The following ZBTB7C variants were observed in gnomAD, a reference collection of about 807,000 sequenced individuals.
ZBTB7C encodes the protein zinc finger and BTB domain containing 7C.
Under a neutral mutation model 25.7 loss-of-function variants are expected in ZBTB7C, and 8 were observed. That is an observed-to-expected ratio of 0.31 (90% confidence interval 0.18 to 0.56). The LOEUF is 0.56. ZBTB7C is among the 20% of genes least tolerant of loss of function. The pLI is 0.91. For missense variants in ZBTB7C, 824 were observed against 855.2 expected, an observed-to-expected ratio of 0.96 and a Z score of 0.46; for synonymous variants, 394 against 369.0, an observed-to-expected ratio of 1.07 and a Z score of -0.78.
Position 48,198,269 on chromosome 18 carries a change from C to T in ZBTB7C, c.-78-12274G>A, listed in dbSNP as rs550808156. ...ATCTAGAGTTCCCCATCTTCCAACT[C>T]CAGTCCTAGACCAAGTGCTCCGAAG... On this transcript the variant is annotated intron_variant, in intron 2 of 4. Coordinates refer to ENST00000590800, the MANE Select transcript of ZBTB7C (RefSeq NM_001318841.2). Among the ~76,000 whole-genome samples the T allele has an allele frequency of 4.3e-4, 65 of 152,288 alleles. 2 individuals are homozygous for T. In the South Asian group the frequency reaches 0.012, roughly 29 times the overall value.
intron 3 of ZBTB7C, among the ~76,000 whole-genome samples, chr18:48,134,890 T>G (rs2040098207): frequency 6.6e-6 from 1 of 152,252 alleles, no homozygotes; most frequent in African/African-American, 2.4e-5. Flanking sequence ...CCTGGGCACT[T>G]GGGGCAGAGG....
chr18:48,139,170 G>C (rs943419257), intron 3 of ZBTB7C, among the ~76,000 whole-genome samples: 3 of 152,168 alleles, frequency 2.0e-5, no homozygotes, highest in African/African-American at 7.2e-5. Context: ...GGGCATGTCA[G>C]GTGCGGGAGT....
intron 3 of ZBTB7C, among the ~76,000 whole-genome samples, chr18:48,159,570 C>T (rs2040938863): frequency 6.6e-6 from 1 of 152,216 alleles, no homozygotes; most frequent in South Asian, 2.1e-4. Flanking sequence ...ACAGATGGTG[C>T]AAAGATCAAC....
intron 1 of ZBTB7C, among the ~76,000 whole-genome samples, chr18:48,389,714 GATAAA>G (rs970643073): frequency 1.1e-4 from 16 of 152,070 alleles, no homozygotes; most frequent in Non-Finnish European, 2.2e-4. Context: ...GGCTCTCCCT[GATAAA>G]AACAAAGAAC....
At chr18:48,216,999 G>A (rs371543189) in intron 2 of ZBTB7C, among the ~76,000 whole-genome samples, 10 of 152,162 alleles carry the variant, frequency 6.6e-5, no homozygotes, top group Admixed American at 5.9e-4. Context: ...CAGGAAGGCC[G>A]TGTGATGGGA....
chr18:48,262,670 C>G (rs1190280636), intron 2 of ZBTB7C, among the ~76,000 whole-genome samples: 1 of 152,068 alleles, frequency 6.6e-6, no homozygotes, highest in South Asian at 2.1e-4. Context: ...TGTGACATAC[C>G]CAACAGACAG....
intron 2 of ZBTB7C, among the ~76,000 whole-genome samples, chr18:48,191,921 G>A (rs1421089042): frequency 6.6e-6 from 1 of 152,198 alleles, no homozygotes; most frequent in East Asian, 1.9e-4. Flanking sequence ...GCTTACCATA[G>A]ACTCCAGCAA....
At chr18:48,084,266 A>C (rs1200670868) in intron 3 of ZBTB7C, among the ~76,000 whole-genome samples, 2 of 152,210 alleles carry the variant, frequency 1.3e-5, no homozygotes, top group African/African-American at 2.4e-5. Flanking sequence ...ATCAGGGGCC[A>C]GAGGTCGGGG....
chr18:48,087,939 C>T (rs1399552595), intron 3 of ZBTB7C: 3 of 149,852 alleles, frequency 2.0e-5, no homozygotes, highest in African/African-American at 7.4e-5. Flanking sequence ...TCCTTTCACT[C>T]TTTAAAGCTA....
chr18:48,077,168 A>C (rs1391736080), intron 3 of ZBTB7C, among the ~76,000 whole-genome samples: 1 of 150,942 alleles, frequency 6.6e-6, no homozygotes, highest in Non-Finnish European at 1.5e-5. Flanking sequence ...GGTGGGGTGG[A>C]GGAAATGAGG....
chr18:48,395,091 C>CTGCT (rs2047990858), intron 1 of ZBTB7C, among the ~76,000 whole-genome samples: 2 of 151,898 alleles, frequency 1.3e-5, no homozygotes, highest in South Asian at 4.2e-4. Context: ...GGAAGAGTGC[C>CTGCT]TGCTGATTCT....
chr18:48,377,132 C>T (rs1191371666), intron 1 of ZBTB7C, among the ~76,000 whole-genome samples: 1 of 152,098 alleles, frequency 6.6e-6, no homozygotes, highest in Non-Finnish European at 1.5e-5. Context: ...ATGGGGGAGG[C>T]GATGCTCTGG....
intron 2 of ZBTB7C, among the ~76,000 whole-genome samples, chr18:48,315,805 G>C (rs2045934273): frequency 6.6e-6 from 1 of 152,112 alleles, no homozygotes; most frequent in Non-Finnish European, 1.5e-5. Context: ...CTGATACTTA[G>C]GGGTCTCAAT....
chr18:48,029,979 C>T (rs893979566), intron 4 of ZBTB7C, 68 bp from the exon 5 acceptor site: 3 of 1,594,480 alleles, frequency 1.9e-6, no homozygotes, highest in Non-Finnish European at 1.7e-6. Flanking sequence ...CTTTTGCTCC[C>T]CCTTTCTCCA....
intron 3 of ZBTB7C, among the ~76,000 whole-genome samples, chr18:48,118,048 C>T (rs8090492): frequency 0.55 from 82,011 of 148,424 alleles, 23,908 homozygotes; most frequent in South Asian, 0.69. Flanking sequence ...CTCGGTTGCC[C>T]GGGCTGGAGT....
At chr18:48,176,646 A>T (rs2041689418) in intron 3 of ZBTB7C, among the ~76,000 whole-genome samples, 1 of 67,140 alleles carries the variant, frequency 1.5e-5, no homozygotes, top group Non-Finnish European at 3.7e-5. Flanking sequence ...TGTGTGTAAG[A>T]AAGAACACAA....
At chr18:48,179,582 C>T (rs1225083243) in intron 3 of ZBTB7C, among the ~76,000 whole-genome samples, 4 of 152,070 alleles carry the variant, frequency 2.6e-5, no homozygotes, top group Non-Finnish European at 5.9e-5. Flanking sequence ...GGTGGGAGAC[C>T]ATCTCGGGAG....
intron 3 of ZBTB7C, among the ~76,000 whole-genome samples, chr18:48,100,534 C>A (rs1188405569): frequency 6.6e-6 from 1 of 152,128 alleles, no homozygotes; most frequent in Non-Finnish European, 1.5e-5. Context: ...GATAATAAGA[C>A]CAGCCTTCAG....
At chr18:48,380,051 C>T (rs1015535481) in intron 1 of ZBTB7C, among the ~76,000 whole-genome samples, 1 of 152,006 alleles carries the variant, frequency 6.6e-6, no homozygotes, top group Non-Finnish European at 1.5e-5. Context: ...AAAGAGTAAA[C>T]CTTAATGTAC....
Sources: allele counts gnomAD v4.1 joint callset (sites outside exome capture counted in the v4.1 genomes callset), GRCh38; gene constraint gnomAD v4.1.1; transcripts MANE v1.5; gene names NCBI Gene and HGNC (gene_info 2026-07-23, HGNC 2026-07-21).